Variants in MCF2L2 observed in about 807,000 individuals in gnomAD.
MCF2L2 encodes the protein MCF.2 cell line derived transforming sequence-like 2.
A neutral mutation model predicts 150.2 loss-of-function variants in MCF2L2; 102 were observed. The ratio of observed to expected loss-of-function variants is 0.68; its 90% CI spans 0.58 to 0.80. MCF2L2 has a LOEUF of 0.80. Ranked by LOEUF, MCF2L2 falls within the 30% of genes least tolerant of loss-of-function variation. The pLI, the probability that MCF2L2 is intolerant of heterozygous loss-of-function variation, is 0.00. For missense variants in MCF2L2, 1,256 were observed against 1,372.8 expected (o/e 0.91, Z 1.34); for synonymous variants, 465 against 491.3 (o/e 0.95, Z 0.71).
At chr3:183,392,744 G>T (rs1714231265) in intron 1 of MCF2L2, among the ~76,000 whole-genome samples, 1 of 152,140 alleles carries the variant, frequency 6.6e-6, no homozygotes, top group Non-Finnish European at 1.5e-5. Flanking sequence ...TGACACTTGT[G>T]GTCCTGTTGG....
chr3:183,320,528 C>G (rs1729769824), intron 6 of MCF2L2, among the ~76,000 whole-genome samples: 1 of 152,158 alleles, frequency 6.6e-6, no homozygotes, highest in African/African-American at 2.4e-5. Context: ...CCCCTGCTAG[C>G]TTCAAACTTT....
At position 183,219,897 on chromosome 3, in the gene MCF2L2, C is replaced by A; in HGVS notation, c.2329G>T (p.Asp777Tyr). 6.2e-7 allele frequency: 1 copy of A among 1,613,628 alleles called. No individual in the cohort carries two copies. Among genetic ancestry groups the A allele is most frequent in the Non-Finnish European group, 8.5e-7 (1 of 1,179,596 alleles). The change falls in exon 21 of 30, where the codon GAT becomes TAT. Residue 777 changes from aspartate (D) to tyrosine (Y), a missense_variant. By Grantham distance (160) the Asp-to-Tyr change is radical. Coordinates refer to ENST00000328913, the MANE Select transcript of MCF2L2 (RefSeq NM_015078.4). ...KGLLDFESPE[D>Y]MEIDPGELGG... is the part of the protein sequence containing the mutation. Reference sequence around the variant, plus strand: ...AGTTCACCTGGGTCTATCTCCATATCTTCAGGAGACTCGAAATCCAGCAGA... The same window carrying A: ...AGTTCACCTGGGTCTATCTCCATATATTCAGGAGACTCGAAATCCAGCAGA...
chr3:183,203,244 T>G (rs1381456018), intron 25 of MCF2L2, among the ~76,000 whole-genome samples: 1 of 151,900 alleles, frequency 6.6e-6, no homozygotes, highest in Non-Finnish European at 1.5e-5. Flanking sequence ...AAGAAAAAAC[T>G]GTTCCTGAGG....
chr3:183,233,769 T>C (rs1723673667), intron 15 of MCF2L2, among the ~76,000 whole-genome samples: 1 of 152,210 alleles, frequency 6.6e-6, no homozygotes, highest in African/African-American at 2.4e-5. Context: ...AAACATTTAC[T>C]GCTTTTATAA....
At chr3:183,419,966 C>G (rs978245133) in intron 1 of MCF2L2, among the ~76,000 whole-genome samples, 1 of 152,266 alleles carries the variant, frequency 6.6e-6, no homozygotes, top group African/African-American at 2.4e-5. Context: ...CTACAGATCT[C>G]TAAGGCAGGG....
rs141937357 is a variant in MCF2L2, at chr3:183,338,802, G to A, written c.484C>T (p.Pro162Ser). 3.1e-5 allele frequency: 49 copies of A among 1,596,532 alleles called. No individual in the cohort carries two copies. Among genetic ancestry groups the A allele is most frequent in the Admixed American group, 1.2e-4 (7 of 59,468 alleles). ...YYRNEFKTKVPIIMVNSVSDL... is the reference protein window; with the variant it reads ...YYRNEFKTKVSIIMVNSVSDL... ...ACAAGATGAAAGGTCTTGCTTACCG[G>A]CACTTTCGTTTTAAACTCATTTCGA... The change falls in exon 5 of 30, where the codon CCG becomes TCG. Residue 162 changes from proline (P) to serine (S), a missense_variant and splice_region_variant. Coordinates refer to ENST00000328913, the MANE Select transcript of MCF2L2 (RefSeq NM_015078.4).
chr3:183,195,154 G>T, intron 26 of MCF2L2, 68 bp downstream of exon 26: 1 of 1,227,540 alleles, frequency 8.1e-7, no homozygotes, highest in South Asian at 1.4e-5. Flanking sequence ...TAAAAGCAAT[G>T]ACATGGACTC....
intron 15 of MCF2L2, among the ~76,000 whole-genome samples, chr3:183,250,651 G>A (rs946021826): frequency 2.7e-4 from 41 of 152,078 alleles, no homozygotes; most frequent in South Asian, 4.1e-4. Context: ...GGTGAGATCA[G>A]CAAGGAGCAT....
rs78550057 is a variant in MCF2L2 at position 183,389,612 on chromosome 3, C to T, written c.160+84G>A. On this transcript the variant is annotated intron_variant, in intron 2 of 29. Coordinates refer to ENST00000328913, the MANE Select transcript of MCF2L2 (RefSeq NM_015078.4). ...AGGGGTGAGTGAGATTTGAGTATAA[C>T]ATTCCTCAAGGTTCAAGAGGCTGGA... The T allele has an allele frequency of 1.0e-3, 1,168 of 1,169,834 alleles. 8 individuals carry two copies. The African/African-American group carries it at 0.015, about 15-fold the overall frequency. The allele number at this position is 1,169,834 out of a possible 1,614,324, so 72.5% of individuals were successfully genotyped here.
At chr3:183,188,037 G>A (rs552947814) in intron 27 of MCF2L2, among the ~76,000 whole-genome samples, 1 of 152,326 alleles carries the variant, frequency 6.6e-6, no homozygotes, top group South Asian at 2.1e-4. Context: ...AGAGGGACAT[G>A]TCTGATGCTC....
rs535598151 is a variant in MCF2L2, at chr3:183,179,791, C to G, written c.3106-99G>C. 5.3e-5 allele frequency: 55 copies of G among 1,043,940 alleles called. No homozygotes were observed. The South Asian group carries it at 7.6e-4, about 14-fold the overall frequency. 64.7% of individuals were successfully genotyped at this position (1,043,940 alleles called of 1,614,324 possible). A position where few individuals can be genotyped will look rare whatever the true frequency, so the allele number is the denominator to read the frequency against. On this transcript the variant is annotated intron_variant, in intron 28 of 29. Transcript: ENST00000328913. This position sits in a 1 kb window ranked among gnomAD's most constrained non-coding sequence, Gnocchi z 4.2. Reference sequence around the variant, plus strand: ...TCCCGCTGGCAGGCTGAGGCCCACCCCAGCCCTCCCACCTGGGCCACGGGG... The same window carrying G: ...TCCCGCTGGCAGGCTGAGGCCCACCGCAGCCCTCCCACCTGGGCCACGGGG...
At chr3:183,360,283 T>G (rs1231500418) in intron 3 of MCF2L2, among the ~76,000 whole-genome samples, 4 of 152,118 alleles carry the variant, frequency 2.6e-5, no homozygotes, top group Non-Finnish European at 5.9e-5. Context: ...CAGGCCAGAT[T>G]GGGGTAGAAG....
intron 25 of MCF2L2, among the ~76,000 whole-genome samples, chr3:183,201,643 C>T (rs1246772693): frequency 1.3e-5 from 2 of 152,154 alleles, no homozygotes; most frequent in African/African-American, 2.4e-5. Context: ...TTGCCCTGGC[C>T]AGAACTTCCA....
At chr3:183,357,656 CTTT>C (rs1208000337) in intron 3 of MCF2L2, among the ~76,000 whole-genome samples, 2 of 152,136 alleles carry the variant, frequency 1.3e-5, no homozygotes, top group Non-Finnish European at 2.9e-5. Context: ...TGCAGTGTAT[CTTT>C]TCCATGCACA....
chr3:183,405,481 C>T (rs1714996910), intron 1 of MCF2L2, among the ~76,000 whole-genome samples: 2 of 152,182 alleles, frequency 1.3e-5, no homozygotes. Flanking sequence ...TCAAACCACT[C>T]ACCCACCCTT....
intron 7 of MCF2L2, among the ~76,000 whole-genome samples, chr3:183,316,078 A>C (rs1381007359): frequency 6.6e-6 from 1 of 152,166 alleles, no homozygotes; most frequent in African/African-American, 2.4e-5. Context: ...ACCACTCTGC[A>C]GACTCCTTTT....
intron 16 of MCF2L2, among the ~76,000 whole-genome samples, chr3:183,230,082 T>G (rs1462541320): frequency 6.6e-6 from 1 of 152,140 alleles, no homozygotes; most frequent in Admixed American, 6.6e-5. Flanking sequence ...GTACCCACTG[T>G]TTTATGAACT....
chr3:183,290,538 T>TTTC (rs1312177445), intron 13 of MCF2L2, among the ~76,000 whole-genome samples: 1 of 151,254 alleles, frequency 6.6e-6, no homozygotes, highest in East Asian at 1.9e-4. Flanking sequence ...TCTTTCTTTC[T>TTTC]TTCTTTTTTT....
At chr3:183,238,871 C>A (rs1049281252) in intron 15 of MCF2L2, among the ~76,000 whole-genome samples, 1 of 151,372 alleles carries the variant, frequency 6.6e-6, no homozygotes, top group Admixed American at 6.6e-5. Flanking sequence ...GTGGTGGGTG[C>A]CTGTAGTCCC....
Sources: gnomAD v4.1 joint callset for allele counts (sites outside exome capture counted in the v4.1 genomes callset) on GRCh38, gnomAD v4.1.1 for gene constraint, Gnocchi (gnomAD v3.1) non-coding constraint, MANE v1.5 for transcripts, NCBI Gene and HGNC (gene_info 2026-07-23, HGNC 2026-07-21) for gene names.